FER: variants seen among roughly 807,000 people sequenced by gnomAD.
FER encodes tyrosine-protein kinase Fer.
Under a neutral mutation model 111.0 loss-of-function variants are expected in FER, and 63 were observed. That is an observed-to-expected ratio of 0.57 (90% CI 0.46 to 0.70). The LOEUF (loss-of-function observed/expected upper bound fraction) is 0.70. Among genes scored for constraint, FER ranks in the 30% least tolerant of loss-of-function variants. The pLI is 0.00. For missense variants in FER, 914 were observed against 954.0 expected (o/e 0.96, Z 0.55); for synonymous variants, 327 against 313.9 (o/e 1.04, Z -0.44).
At chr5:108,987,871 C>T (rs1762750914) in intron 13 of FER, among the ~76,000 whole-genome samples, 1 of 152,062 alleles carries the variant, frequency 6.6e-6, no homozygotes, top group South Asian at 2.1e-4. Flanking sequence ...TGTCTCATTC[C>T]ACTTCTCAGA....
chr5:109,173,945 C>T (rs763976344), intron 17 of FER, among the ~76,000 whole-genome samples: 6 of 152,154 alleles, frequency 3.9e-5, no homozygotes, highest in Non-Finnish European at 8.8e-5. Context: ...TATGCTCTCA[C>T]TCTACATCAG....
intron 4 of FER, among the ~76,000 whole-genome samples, chr5:108,834,652 C>G (rs914169054): frequency 1.4e-5 from 2 of 147,276 alleles, no homozygotes; most frequent in South Asian, 2.1e-4. Flanking sequence ...AAGCCTAGAT[C>G]ATGCCACTGC....
chr5:108,874,696 G>A (rs958630122), intron 8 of FER, among the ~76,000 whole-genome samples: 7 of 150,608 alleles, frequency 4.6e-5, no homozygotes, highest in East Asian at 1.9e-4. Context: ...TAATTTAGTC[G>A]TAGATTCGTG....
chr5:109,117,338 T>C (rs1323812460), intron 17 of FER, among the ~76,000 whole-genome samples: 1 of 152,122 alleles, frequency 6.6e-6, no homozygotes, highest in Admixed American at 6.6e-5. Flanking sequence ...TTGGTAATTC[T>C]CTACACCCTA....
chr5:108,817,669 T>C (rs940104227), intron 3 of FER, among the ~76,000 whole-genome samples: 2 of 152,216 alleles, frequency 1.3e-5, no homozygotes, highest in Non-Finnish European at 2.9e-5. Context: ...ATAAATACTT[T>C]TGGTATAATA....
At chr5:109,065,960 G>T (rs528529516) in intron 16 of FER, among the ~76,000 whole-genome samples, 2 of 152,262 alleles carry the variant, frequency 1.3e-5, no homozygotes, top group Non-Finnish European at 2.9e-5. Flanking sequence ...GAGAAAACAT[G>T]ATCACATTTG....
intron 5 of FER, among the ~76,000 whole-genome samples, chr5:108,846,743 C>T (rs1002606615): frequency 4.6e-5 from 7 of 151,932 alleles, no homozygotes; most frequent in East Asian, 1.9e-4. Flanking sequence ...CCACCACGCC[C>T]GGCTAATTTT....
At chr5:109,137,866 C>G (rs918439927) in intron 17 of FER, among the ~76,000 whole-genome samples, 2 of 152,184 alleles carry the variant, frequency 1.3e-5, no homozygotes, top group African/African-American at 4.8e-5. Flanking sequence ...TAATTCTAAT[C>G]TTTTTCTTAT....
intron 10 of FER, among the ~76,000 whole-genome samples, chr5:108,918,994 A>G (rs1350231952): frequency 6.6e-6 from 1 of 152,192 alleles, no homozygotes; most frequent in Admixed American, 6.5e-5. Context: ...AGTTTCAAAA[A>G]TTTTGAAGCT....
intron 17 of FER, among the ~76,000 whole-genome samples, chr5:109,179,565 G>C (rs1381138846): frequency 6.6e-6 from 1 of 152,002 alleles, no homozygotes; most frequent in African/African-American, 2.4e-5. Flanking sequence ...TGTTATTTTT[G>C]TATATGACTG....
intron 17 of FER, among the ~76,000 whole-genome samples, chr5:109,111,637 G>A (rs919204395): frequency 2.0e-5 from 3 of 152,148 alleles, no homozygotes; most frequent in Admixed American, 1.3e-4. Flanking sequence ...AGTTCCACAG[G>A]CTTAACAGGA....
At chr5:108,852,288 C>T (rs562848185) in intron 5 of FER, among the ~76,000 whole-genome samples, 1 of 152,078 alleles carries the variant, frequency 6.6e-6, no homozygotes, top group South Asian at 2.1e-4. Context: ...TTGATTAGAT[C>T]TGTTGAGTTG....
intron 16 of FER, among the ~76,000 whole-genome samples, chr5:109,049,322 G>A (rs987791412): frequency 2.0e-5 from 3 of 152,136 alleles, no homozygotes; most frequent in Non-Finnish European, 4.4e-5. Flanking sequence ...TGGAGGCTCT[G>A]GGGAAGAATC....
At chr5:109,041,240 A>G (rs1185111719) in intron 14 of FER, among the ~76,000 whole-genome samples, 1 of 152,170 alleles carries the variant, frequency 6.6e-6, no homozygotes, top group Non-Finnish European at 1.5e-5. Context: ...TTTGGATTTA[A>G]TCAGACTTGT....
At chr5:109,138,651 G>T (rs1239245351) in intron 17 of FER, among the ~76,000 whole-genome samples, 1 of 152,076 alleles carries the variant, frequency 6.6e-6, no homozygotes. Context: ...GATTTCTCTA[G>T]TTCCTCTCAC....
chr5:108,790,133 A>G (rs1330261383), intron 2 of FER, among the ~76,000 whole-genome samples: 4 of 151,854 alleles, frequency 2.6e-5, no homozygotes, highest in Admixed American at 1.3e-4. Flanking sequence ...TGAGGTGGCA[A>G]TGTGCTATTA....
At chr5:108,976,786 G>C (rs866173608) in intron 13 of FER, among the ~76,000 whole-genome samples, 1 of 152,148 alleles carries the variant, frequency 6.6e-6, no homozygotes, top group African/African-American at 2.4e-5. Context: ...TGTATCATCT[G>C]TTTACAAGAT....
intron 17 of FER, among the ~76,000 whole-genome samples, chr5:109,154,250 T>A (rs1031715416): frequency 6.6e-6 from 1 of 151,914 alleles, no homozygotes; most frequent in African/African-American, 2.4e-5. Flanking sequence ...ACCAGAAGTA[T>A]GAAAACTGAA....
chr5:109,095,884 T>G (rs1747449526), intron 16 of FER, among the ~76,000 whole-genome samples: 2 of 152,068 alleles, frequency 1.3e-5, no homozygotes, highest in Admixed American at 1.3e-4. Flanking sequence ...GGAAACAAAT[T>G]GGTATCCTAA....
Sources: allele counts gnomAD v4.1 joint callset (sites outside exome capture counted in the v4.1 genomes callset), GRCh38; gene constraint gnomAD v4.1.1; transcripts MANE v1.5; gene names NCBI Gene and HGNC (gene_info 2026-07-23, HGNC 2026-07-21).